Variants in BICD2 observed in about 807,000 individuals in gnomAD.
BICD2 encodes the protein BICD cargo adaptor 2, also known as protein bicaudal D homolog 2.
In BICD2, 25 loss-of-function variants were observed where a neutral mutation model predicts 72.9. The observed-to-expected ratio is 0.34, with a 90% CI of 0.25 to 0.48. The LOEUF is 0.48. Ranked by LOEUF, BICD2 falls within the 20% of genes least tolerant of loss-of-function variation. The pLI is 0.99. For synonymous variants in BICD2, 501 were observed against 516.1 expected (o/e 0.97, Z 0.40); for missense variants, 894 against 1,175.2 (o/e 0.76, Z 3.50).
At chr9:92,724,761 G>A (rs1329622426) in intron 2 of BICD2, among the ~76,000 whole-genome samples, 1 of 152,210 alleles carries the variant, frequency 6.6e-6, no homozygotes. Context: ...CCCCCCAGGA[G>A]TGTGCTTAGG....
Position 92,718,826 on chromosome 9 carries a change from G to C in BICD2, c.1819C>G (p.Pro607Ala), listed in dbSNP as rs1853385677. The part of the protein sequence containing the change: ...RADGGTGDSS[P>A]SPGSSLPSPL... ...GATGGCAGTGAGGAGCCAGGCGAGG[G>C]GCTGCTGTCCCCCGTCCCACCATCT... The change falls in exon 5 of 7, where the codon CCC becomes GCC. Residue 607 changes from proline to alanine, a missense_variant. Physicochemically the swap from Pro to Ala is conservative, Grantham distance 27 (BLOSUM62 -1). Around this residue, in one of 5 missense-constraint regions of BICD2, gnomAD observed 321 missense variants for 443.9 expected, o/e 0.72. Coordinates refer to ENST00000356884, the MANE Select transcript of BICD2 (RefSeq NM_001003800.2). 1 of 1,611,920 alleles carries C rather than the reference G, an allele frequency of 6.2e-7. No individual in the cohort carries two copies.
intron 1 of BICD2, among the ~76,000 whole-genome samples, chr9:92,745,823 C>T (rs1359526884): frequency 1.3e-5 from 2 of 152,200 alleles, no homozygotes; most frequent in African/African-American, 4.8e-5. Context: ...GGCTGATGAT[C>T]CAGAAGTGGC....
At chr9:92,728,859 T>C (rs1365536102) in intron 2 of BICD2, among the ~76,000 whole-genome samples, 165 bp downstream of exon 2, 3 of 152,218 alleles carry the variant, frequency 2.0e-5, no homozygotes, top group Non-Finnish European at 2.9e-5. Flanking sequence ...TGGAGGACAG[T>C]GGCAGTGGAG....
chr9:92,732,235 A>C (rs1428914418), intron 1 of BICD2, among the ~76,000 whole-genome samples: 1 of 152,188 alleles, frequency 6.6e-6, no homozygotes, highest in Non-Finnish European at 1.5e-5. Flanking sequence ...AACTTGAAAA[A>C]CCACAGCAAA....
In BICD2 at chr9:92,713,572, GAA is replaced by G. The variant is rs1430489628; in HGVS notation, c.*1580_*1581del. On this transcript the variant is annotated 3_prime_UTR_variant, in exon 7 of 7. Coordinates refer to ENST00000356884, the MANE Select transcript of BICD2 (RefSeq NM_001003800.2). ...GAGGGCGCGAGCACGTTAGTTGGCA[GAA>G]GAGAAGACCTGCATGTGTTAGCAGG... 100 of 1,543,828 alleles carry G rather than the reference GAA, an allele frequency of 6.5e-5. No homozygotes were observed. The highest frequency in any genetic ancestry group is 1.2e-4 in the East Asian group (5 of 40,814).
intron 1 of BICD2, among the ~76,000 whole-genome samples, chr9:92,749,258 C>T (rs887401061): frequency 2.6e-5 from 4 of 152,238 alleles, no homozygotes; most frequent in African/African-American, 9.6e-5. Flanking sequence ...ATCTATCAAG[C>T]TGTACGCTGC....
chr9:92,740,602 C>T lies in BICD2; in HGVS notation c.241-11366G>A, dbSNP rs78945770. Among the ~76,000 whole-genome samples, 23 of 151,794 alleles carry T rather than the reference C, an allele frequency of 1.5e-4. No homozygotes were observed. The East Asian group carries it at 4.1e-3, about 27-fold the overall frequency. ...GATAAAAAGAAACAGTCTCTCTAGA[C>T]GGGGATTGCAAAAACTGAATAAAGT... On this transcript the variant is annotated intron_variant, in intron 1 of 6. Coordinates refer to ENST00000356884, the MANE Select transcript of BICD2 (RefSeq NM_001003800.2).
intron 1 of BICD2, among the ~76,000 whole-genome samples, chr9:92,757,431 T>G (rs1854283679): frequency 6.6e-6 from 1 of 151,248 alleles, no homozygotes; most frequent in Non-Finnish European, 1.5e-5. Context: ...TGAGCCAAAC[T>G]GGGGAAATCC....
chr9:92,718,205 A>G (rs192174019), intron 5 of BICD2, among the ~76,000 whole-genome samples: 25 of 152,288 alleles, frequency 1.6e-4, no homozygotes, highest in Non-Finnish European at 3.2e-4. Context: ...AAGCCCCACA[A>G]TTGCTCTCCA....
chr9:92,739,835 A>T (rs1367173286), intron 1 of BICD2, among the ~76,000 whole-genome samples: 1 of 152,096 alleles, frequency 6.6e-6, no homozygotes, highest in East Asian at 1.9e-4. Flanking sequence ...ACAGGAGAGG[A>T]CCTGGAGGCC....
chr9:92,763,953 T>C (rs1854426243), intron 1 of BICD2, among the ~76,000 whole-genome samples: 1 of 152,188 alleles, frequency 6.6e-6, no homozygotes, highest in Non-Finnish European at 1.5e-5. Context: ...CTTAGGCCGC[T>C]GTCCACGACC....
chr9:92,743,963 A>G (rs1853952639), intron 1 of BICD2, among the ~76,000 whole-genome samples: 1 of 152,228 alleles, frequency 6.6e-6, no homozygotes, highest in Non-Finnish European at 1.5e-5. Context: ...AATGGCTAGT[A>G]CATAAATCAG....
At chr9:92,748,266 G>C (rs1854057014) in intron 1 of BICD2, among the ~76,000 whole-genome samples, 1 of 152,120 alleles carries the variant, frequency 6.6e-6, no homozygotes, top group Non-Finnish European at 1.5e-5. Flanking sequence ...TTCTCCACTT[G>C]GGGGGTTGTA....
At chr9:92,755,979 G>A (rs1007749424) in intron 1 of BICD2, among the ~76,000 whole-genome samples, 7 of 152,224 alleles carry the variant, frequency 4.6e-5, no homozygotes, top group African/African-American at 7.2e-5. Flanking sequence ...GGTCACAGAA[G>A]TCAAGCCAAG....
chr9:92,711,664 T>TA lies in BICD2; in HGVS notation c.*3489dup, dbSNP rs1853197649. Reference sequence around the variant, plus strand: ...ACACTAAGGTAATGCACAGAAAAAATACAGTACTCAGACATCATTGCAAAT... The same window carrying TA: ...ACACTAAGGTAATGCACAGAAAAAATAACAGTACTCAGACATCATTGCAAAT... On this transcript the variant is annotated 3_prime_UTR_variant, in exon 7 of 7. Transcript: ENST00000356884. The TA allele has an allele frequency of 6.6e-6, 1 of 152,448 alleles. No individual in the cohort carries two copies. The highest frequency in any genetic ancestry group is 1.5e-5 in the Non-Finnish European group (1 of 67,994). 9.4% of individuals were successfully genotyped at this position (152,448 alleles called of 1,614,324 possible).
At chr9:92,756,824 G>A (rs1327814208) in intron 1 of BICD2, among the ~76,000 whole-genome samples, 9 of 150,802 alleles carry the variant, frequency 6.0e-5, no homozygotes, top group African/African-American at 1.5e-4. Flanking sequence ...CAGACATCGC[G>A]CCACTGCACT....
chr9:92,752,046 C>G (rs1357757296), intron 1 of BICD2, among the ~76,000 whole-genome samples: 3 of 152,130 alleles, frequency 2.0e-5, no homozygotes. Flanking sequence ...CTCACGTGAT[C>G]CACCCGCCTC....
At chr9:92,722,598 G>A (rs768676012) in intron 3 of BICD2, 58 bp downstream of exon 3, 106 of 1,606,816 alleles carry the variant, frequency 6.6e-5, no homozygotes, top group Non-Finnish European at 8.8e-5. Context: ...CTGAGCAAGA[G>A]GTCCTCAAGG....
intron 1 of BICD2, among the ~76,000 whole-genome samples, chr9:92,759,774 C>T (rs1334789661): frequency 6.6e-6 from 1 of 152,240 alleles, no homozygotes; most frequent in Admixed American, 6.5e-5. Context: ...TGAGAAGAAA[C>T]CAAATCTTTC....
Sources: allele counts gnomAD v4.1 joint callset (sites outside exome capture counted in the v4.1 genomes callset), GRCh38; gene constraint gnomAD v4.1.1; regional missense constraint gnomAD v4.1.1; transcripts MANE v1.5; gene names NCBI Gene and HGNC (gene_info 2026-07-23, HGNC 2026-07-21).